DCLK2: variants seen among roughly 807,000 people sequenced by gnomAD.
The protein encoded by DCLK2 is serine/threonine-protein kinase DCLK2.
A neutral mutation model predicts 78.4 loss-of-function variants in DCLK2; 31 were observed. The observed-to-expected ratio is 0.40, with a 90% CI of 0.30 to 0.53. The LOEUF is 0.53. DCLK2 is among the 20% of genes least tolerant of loss of function. The pLI is 0.61. For synonymous variants in DCLK2, 407 were observed against 374.9 expected (o/e 1.09, Z -0.99); for missense variants, 872 against 973.7 (o/e 0.90, Z 1.39).
At chr4:150,216,544 C>T (rs1475685367) in intron 5 of DCLK2, among the ~76,000 whole-genome samples, 1 of 152,122 alleles carries the variant, frequency 6.6e-6, no homozygotes, top group African/African-American at 2.4e-5. Flanking sequence ...GAGGCTGAGG[C>T]AGGAGAATCG....
At chr4:150,139,603 T>C (rs1733968378) in intron 2 of DCLK2, among the ~76,000 whole-genome samples, 1 of 152,208 alleles carries the variant, frequency 6.6e-6, no homozygotes, top group Non-Finnish European at 1.5e-5. Flanking sequence ...TTGTAGTTAA[T>C]GTTAAAGTGC....
intron 2 of DCLK2, among the ~76,000 whole-genome samples, chr4:150,172,763 G>T (rs142035051): frequency 0.25 from 26,842 of 109,218 alleles, 3,294 homozygotes; most frequent in African/African-American, 0.29. Flanking sequence ...TTTTTTTTGG[G>T]GGGGGGGGGG....
intron 3 of DCLK2, among the ~76,000 whole-genome samples, chr4:150,193,707 T>C (rs1357672847): frequency 6.6e-6 from 1 of 152,328 alleles, no homozygotes; most frequent in Admixed American, 6.5e-5. Flanking sequence ...ATGGTGATTA[T>C]CTGAGGTGTC....
At chr4:150,166,320 T>G (rs542033588) in intron 2 of DCLK2, among the ~76,000 whole-genome samples, 24 of 151,808 alleles carry the variant, frequency 1.6e-4, no homozygotes, top group Non-Finnish European at 2.9e-4. Context: ...CGGGACCCCA[T>G]CTCTACATAA....
chr4:150,241,624 T>A (rs963807655), intron 12 of DCLK2, among the ~76,000 whole-genome samples: 2 of 152,224 alleles, frequency 1.3e-5, no homozygotes, highest in Admixed American at 1.3e-4. Flanking sequence ...CTTAGTTTAT[T>A]TGACTAGCCA....
At chr4:150,220,192 T>C (rs1741077818) in intron 5 of DCLK2, among the ~76,000 whole-genome samples, 1 of 152,204 alleles carries the variant, frequency 6.6e-6, no homozygotes, top group African/African-American at 2.4e-5. Context: ...CATTCTGCCA[T>C]AGAGTGCTGT....
intron 8 of DCLK2, among the ~76,000 whole-genome samples, chr4:150,229,638 C>A (rs887065518): frequency 2.6e-5 from 4 of 151,888 alleles, no homozygotes; most frequent in East Asian, 1.9e-4. Flanking sequence ...CCTATTATAC[C>A]CCCCCATTCC....
At chr4:150,096,521 G>A (rs1243493249) in intron 1 of DCLK2, among the ~76,000 whole-genome samples, 1 of 152,036 alleles carries the variant, frequency 6.6e-6, no homozygotes, top group Non-Finnish European at 1.5e-5. Flanking sequence ...AGGAGGATGA[G>A]GGATGCCTGG....
chr4:150,189,135 T>C (rs1051213967), intron 2 of DCLK2, among the ~76,000 whole-genome samples: 1 of 152,092 alleles, frequency 6.6e-6, no homozygotes, highest in African/African-American at 2.4e-5. Context: ...TTCAGATATG[T>C]TTTTTAAAAT....
At chr4:150,235,609 C>A (rs10002709) in intron 10 of DCLK2, among the ~76,000 whole-genome samples, 50,528 of 151,982 alleles carry the variant, frequency 0.33, 8,768 homozygotes, top group South Asian at 0.58. Context: ...CTCTTCCGAG[C>A]CTTCAGAAAT....
At chr4:150,146,985 A>G (rs28687892) in intron 2 of DCLK2, among the ~76,000 whole-genome samples, 44,849 of 151,418 alleles carry the variant, frequency 0.3, 6,676 homozygotes, top group East Asian at 0.34. Flanking sequence ...CTGAGGGTCA[A>G]TTGAAATACT....
intron 2 of DCLK2, among the ~76,000 whole-genome samples, chr4:150,159,758 C>T (rs1735568285): frequency 6.6e-6 from 1 of 152,000 alleles, no homozygotes; most frequent in Non-Finnish European, 1.5e-5. Context: ...AAAAATAATC[C>T]TAGTGGCAAA....
chr4:150,175,357 A>G (rs369638973), intron 2 of DCLK2: 30 of 151,400 alleles, frequency 2.0e-4, no homozygotes, highest in African/African-American at 6.8e-4. Flanking sequence ...TTTAGGAAGT[A>G]CTGAAGAAAA....
chr4:150,193,205 G>A lies in DCLK2; in HGVS notation c.824G>A (p.Arg275His), dbSNP rs186217292. The A allele has an allele frequency of 6.2e-6, 10 of 1,611,372 alleles. No homozygotes were observed. Among genetic ancestry groups the A allele is most frequent in the East Asian group, 4.5e-5 (2 of 44,790 alleles). ...ATTGCATGTGGACCAGAAAAATTTCGTTATGCCCAAGATGACTTTGTCCTG... is the reference window on the plus strand; with the variant it reads ...ATTGCATGTGGACCAGAAAAATTTCATTATGCCCAAGATGACTTTGTCCTG... ...VFIACGPEKFRYAQDDFVLDH... is the reference protein window; with the variant it reads ...VFIACGPEKFHYAQDDFVLDH... The change falls in exon 3 of 16, where the codon CGT becomes CAT. Residue 275 changes from arginine (R) to histidine (H), a missense_variant. Transcript: ENST00000296550.
intron 1 of DCLK2, among the ~76,000 whole-genome samples, chr4:150,094,927 G>T (rs1730351489): frequency 6.6e-6 from 1 of 152,172 alleles, no homozygotes; most frequent in African/African-American, 2.4e-5. Flanking sequence ...ACTTTCCAGT[G>T]ATTGGCTTAG....
intron 12 of DCLK2, among the ~76,000 whole-genome samples, chr4:150,244,250 T>C (rs1046577469): frequency 6.6e-6 from 1 of 152,140 alleles, no homozygotes; most frequent in African/African-American, 2.4e-5. Flanking sequence ...CCCTCTAGTC[T>C]TTTTCAACAT....
intron 5 of DCLK2, among the ~76,000 whole-genome samples, chr4:150,212,776 T>C (rs1167031318): frequency 1.3e-5 from 2 of 152,188 alleles, no homozygotes; most frequent in Non-Finnish European, 2.9e-5. Context: ...ATAGGATCAA[T>C]TGTAAGAATT....
chr4:150,196,076 A>G (rs1739009291), intron 3 of DCLK2, among the ~76,000 whole-genome samples: 1 of 152,060 alleles, frequency 6.6e-6, no homozygotes, highest in African/African-American at 2.4e-5. Context: ...TTTTTTAATC[A>G]GTTATTTAAC....
At chr4:150,179,416 G>A (rs1329199437) in intron 2 of DCLK2, among the ~76,000 whole-genome samples, 1 of 152,118 alleles carries the variant, frequency 6.6e-6, no homozygotes, top group Admixed American at 6.5e-5. Context: ...TTTGCTATTC[G>A]TGCTGAATAG....
Sources: gnomAD v4.1 joint callset for allele counts (sites outside exome capture counted in the v4.1 genomes callset) on GRCh38, gnomAD v4.1.1 for gene constraint, MANE v1.5 for transcripts, NCBI Gene and HGNC (gene_info 2026-07-23, HGNC 2026-07-21) for gene names.